PEX6: variants seen among roughly 807,000 people sequenced by gnomAD.
The protein encoded by PEX6 is peroxisomal biogenesis factor 6.
A neutral mutation model predicts 85.6 loss-of-function variants in PEX6; 55 were observed. The observed-to-expected ratio is 0.64, with a 90% CI of 0.52 to 0.80. PEX6 has a LOEUF of 0.80. Ranked by LOEUF, PEX6 falls within the 30% of genes least tolerant of loss-of-function variation. The probability of loss-of-function intolerance (pLI) is 0.00; values close to 1 mark genes in which losing one functional copy is unlikely to be tolerated. For missense variants in PEX6, 1,099 were observed against 1,260.3 expected (o/e 0.87, Z 1.94); for synonymous variants, 519 against 549.1 (o/e 0.95, Z 0.77).
At chr6:42,973,956 C>T (rs369856975) in intron 3 of PEX6, 47 bp downstream of exon 3, 2 of 1,276,622 alleles carry the variant, frequency 1.6e-6, no homozygotes, top group Non-Finnish European at 2.3e-6. Flanking sequence ...AGAACTCATG[C>T]ACCCAGGTTA....
Position 42,969,650 on chromosome 6 carries a change from G to T in PEX6, c.1367+18C>A. On this transcript the variant is annotated intron_variant, in intron 5 of 16. Coordinates refer to ENST00000304611, the MANE Select transcript of PEX6 (RefSeq NM_000287.4). ...TAAGCAGGCTTTTCTCACACCCTGG[G>T]GTGATGACCTCACTCACCCTGGCTG... is the stretch of plus-strand genomic sequence containing the variant. The T allele has an allele frequency of 1.2e-6, 2 of 1,612,072 alleles. No individual in the cohort carries two copies. The highest frequency in any genetic ancestry group is 2.2e-5 in the South Asian group (2 of 90,984).
intron 3 of PEX6, among the ~76,000 whole-genome samples, chr6:42,972,496 T>G (rs73733774): frequency 6.6e-6 from 1 of 152,018 alleles, no homozygotes. Flanking sequence ...CCTGGCTGGG[T>G]GCGGTGGCTC....
intron 12 of PEX6, 43 bp downstream of exon 12, chr6:42,966,001 G>A: frequency 1.9e-6 from 3 of 1,605,180 alleles, no homozygotes; most frequent in Admixed American, 1.7e-5. Context: ...GGCCATCGGG[G>A]TTTGGGAAGC....
intron 6 of PEX6, 124 bp from the exon 7 acceptor site, chr6:42,968,622 GT>G: frequency 1.1e-6 from 1 of 912,634 alleles, no homozygotes; most frequent in African/African-American, 1.6e-5. Context: ...GACAGGGAAG[GT>G]ACCCTGGCCA....
chr6:42,965,964 T>C lies in PEX6; in HGVS notation c.2362+80A>G. On this transcript the variant is annotated intron_variant, in intron 12 of 16. Coordinates refer to ENST00000304611, the MANE Select transcript of PEX6 (RefSeq NM_000287.4). This position sits in a 1 kb window ranked among gnomAD's most constrained non-coding sequence, Gnocchi z 5.0. ...AAGGAGGATTAGGAATGATCATGAG[T>C]AGCCTGGGAGTAGGGGGTGGCTTGG... 1 of 1,493,886 alleles carries C rather than the reference T, an allele frequency of 6.7e-7. No homozygotes were observed. Among genetic ancestry groups the C allele is most frequent in the Non-Finnish European group, 9.3e-7 (1 of 1,072,710 alleles). The allele number at this position is 1,493,886 out of a possible 1,614,324, so 92.5% of individuals were successfully genotyped here.
intron 2 of PEX6, among the ~76,000 whole-genome samples, chr6:42,974,520 C>T (rs1004147601): frequency 3.0e-5 from 4 of 131,148 alleles, no homozygotes; most frequent in East Asian, 2.2e-4. Flanking sequence ...TGCAGTGGTG[C>T]GATCTCGGCT....
chr6:42,974,442 GTTTTTTTTGTTT>G (rs1342711718), intron 2 of PEX6, among the ~76,000 whole-genome samples: 9 of 115,946 alleles, frequency 7.8e-5, no homozygotes, highest in African/African-American at 2.1e-4. Context: ...TGTCTGAAAT[GTTTTTTTTGTTT>G]TTTTTTTTTT....
chr6:42,966,734 C>T, intron 9 of PEX6, 48 bp downstream of exon 9: 1 of 1,613,706 alleles, frequency 6.2e-7, no homozygotes, highest in East Asian at 2.2e-5. Flanking sequence ...ACCCACCCAT[C>T]TACATCCATT....
chr6:42,978,829 G>A lies in PEX6; in HGVS notation c.322C>T (p.Leu108Phe), dbSNP rs1561831132. 1 of 1,532,862 alleles carries A rather than the reference G, an allele frequency of 6.5e-7. No individual in the cohort carries two copies. Among genetic ancestry groups the A allele is most frequent in the African/African-American group, 1.4e-5 (1 of 73,028 alleles). The allele number at this position is 1,532,862 out of a possible 1,614,324, so 95.0% of individuals were successfully genotyped here. ...AGCCCAGGCCCCAGCGAGGTGCCAA[G>A]CAGTGCCCAACCTAGCGCCGGGGGC... ...RRPPALGWAL[L>F]GTSLGPGLGP... Residue 108 changes from leucine to phenylalanine, a missense_variant, in exon 1 of 17, where the codon CTT (leucine) becomes TTT (phenylalanine). Coordinates refer to ENST00000304611, the MANE Select transcript of PEX6 (RefSeq NM_000287.4).
Position 42,968,877 on chromosome 6 carries a change from C to CAGTA in PEX6, c.1472_1475dup (p.Lys493ThrfsTer13), listed in dbSNP as rs747719317. ...TCTACTCTCCAGAGACCCTCACCTT[C>CAGTA]AGTAAGTGGAGCCCAAGGTGACTAC... On this transcript the variant is annotated frameshift_variant, in exon 6 of 17. Transcript: ENST00000304611. LOFTEE classifies it high-confidence loss of function. 6.2e-7 allele frequency: 1 copy of CAGTA among 1,608,984 alleles called. No homozygotes were observed. Among genetic ancestry groups the CAGTA allele is most frequent in the African/African-American group, 1.3e-5 (1 of 74,852 alleles).
chr6:42,968,905 G>A lies in PEX6; in HGVS notation c.1448C>T (p.Ala483Val). 2 of 1,613,982 alleles carry A rather than the reference G, an allele frequency of 1.2e-6. No individual in the cohort carries two copies. The highest frequency in any genetic ancestry group is 1.7e-6 in the Non-Finnish European group (2 of 1,179,880). Residue 483 changes from alanine to valine, a missense_variant, in exon 6 of 17, where the codon GCC (alanine) becomes GTC (valine). Ala to Val is a moderately conservative substitution (Grantham distance 64). This residue lies in a region of PEX6 where 6 missense variants were observed against 21.8 expected (regional missense o/e 0.28). Transcript: ENST00000304611. ...TAAGTGGAGCCCAAGGTGACTACAG[G>A]CAGCAGCAACTACTGTGGTCTTCCC... ...GCGKTTVVAA[A>V]CSHLGLHLLK...
chr6:42,964,862 C>T lies in PEX6; in HGVS notation c.2734G>A (p.Ala912Thr), dbSNP rs374549180. ...LDCCPPQLTG[A>T]DLYSLCSDAM... ...TCAGAGCAGAGAGAGTAGAGGTCCGCGCCCGTCAGCTGGGGAGGGCAGCAA... is the reference window on the plus strand; with the variant it reads ...TCAGAGCAGAGAGAGTAGAGGTCCGTGCCCGTCAGCTGGGGAGGGCAGCAA... The change falls in exon 16 of 17, where the codon GCG becomes ACG. Residue 912 changes from alanine (A) to threonine (T), a missense_variant. Physicochemically the swap from Ala to Thr is moderately conservative, Grantham distance 58 (BLOSUM62 0). Transcript: ENST00000304611. This position sits in a 1 kb window ranked among gnomAD's most constrained non-coding sequence, Gnocchi z 4.6. The T allele has an allele frequency of 8.1e-6, 13 of 1,614,018 alleles. No homozygotes were observed. The highest frequency in any genetic ancestry group is 2.7e-5 in the African/African-American group (2 of 74,914).
chr6:42,975,998 C>A (rs1770282150), intron 1 of PEX6, among the ~76,000 whole-genome samples: 1 of 151,768 alleles, frequency 6.6e-6, no homozygotes, highest in Non-Finnish European at 1.5e-5. Context: ...AAGGGATTCT[C>A]CTGCCTCAGC....
intron 2 of PEX6, among the ~76,000 whole-genome samples, chr6:42,974,526 C>G (rs186012931): frequency 0.019 from 2,650 of 137,944 alleles, 31 homozygotes; most frequent in South Asian, 0.028. Context: ...GGTGCGATCT[C>G]GGCTCACTGC....
chr6:42,966,799 G>T lies in PEX6; in HGVS notation c.1944C>A (p.Thr648=). The change falls in exon 9 of 17, where the codon ACC becomes ACA. Residue 648 remains threonine (T), a synonymous_variant. Transcript: ENST00000304611. The part of the protein sequence containing the change: ...LLTHSSRAAC[T]RIKNSGLAGG... Reference sequence around the variant, plus strand: ...CCTCTTACCCTGAGTTCTTGATCCTGGTGCAGGCTGCCCGGCTGCTGTGGG... The same window carrying T: ...CCTCTTACCCTGAGTTCTTGATCCTTGTGCAGGCTGCCCGGCTGCTGTGGG... 1 of 1,613,806 alleles carries T rather than the reference G, an allele frequency of 6.2e-7. No homozygotes were observed. Among genetic ancestry groups the T allele is most frequent in the Non-Finnish European group, 8.5e-7 (1 of 1,179,980 alleles).
At chr6:42,972,741 G>A (rs970767766) in intron 3 of PEX6, among the ~76,000 whole-genome samples, 11 of 142,870 alleles carry the variant, frequency 7.7e-5, no homozygotes, top group Non-Finnish European at 1.5e-4. Context: ...CTGCACTCCA[G>A]CCTGGGCAAC....
At position 42,966,561 on chromosome 6, in the gene PEX6, CA is replaced by C; in HGVS notation, c.2057del (p.Leu686ArgfsTer28). 2 of 1,614,162 alleles carry C rather than the reference CA, an allele frequency of 1.2e-6. No individual in the cohort carries two copies. The highest frequency in any genetic ancestry group is 1.7e-6 in the Non-Finnish European group (2 of 1,180,034). On this transcript the variant is annotated frameshift_variant, in exon 10 of 17. Transcript: ENST00000304611. LOFTEE classifies it high-confidence loss of function. ...AEDFGQALEQ[L>X]QTAHSQAVGA... is the part of the protein sequence containing the mutation. Reference sequence around the variant, plus strand: ...CAACGGCCTGGGAGTGAGCTGTCTGCAGTTGCTCCAGTGCCTGCCCAAAGTC... The same window carrying C: ...CAACGGCCTGGGAGTGAGCTGTCTGCGTTGCTCCAGTGCCTGCCCAAAGTC...
chr6:42,965,277 C>T lies in PEX6; in HGVS notation c.2563G>A (p.Asp855Asn). ...IGATNRPDLLDPALLRPGRFD... is the reference protein window; with the variant it reads ...IGATNRPDLLNPALLRPGRFD... ...CTGCCAGGCCGCAGAAGGGCAGGGT[C>T]CAGGAGATCTGGTCTGTTGGTGGCT... The change falls in exon 14 of 17, where the codon GAC becomes AAC. Residue 855 changes from aspartate (D) to asparagine (N), a missense_variant. Coordinates refer to ENST00000304611, the MANE Select transcript of PEX6 (RefSeq NM_000287.4). The surrounding 1 kb of genome is among the most constrained non-coding windows in gnomAD (Gnocchi z 5.0). 1.2e-6 allele frequency: 2 copies of T among 1,614,050 alleles called. No individual in the cohort carries two copies. Among genetic ancestry groups the T allele is most frequent in the Non-Finnish European group, 1.7e-6 (2 of 1,179,914 alleles).
At chr6:42,977,206 AAACT>A (rs1209477291) in intron 1 of PEX6, among the ~76,000 whole-genome samples, 1 of 152,088 alleles carries the variant, frequency 6.6e-6, no homozygotes, top group African/African-American at 2.4e-5. Flanking sequence ...GCAATTCAAT[AAACT>A]AATTAGATTG....
Sources: gnomAD v4.1 joint callset for allele counts (sites outside exome capture counted in the v4.1 genomes callset) on GRCh38, gnomAD v4.1.1 for gene constraint, gnomAD v4.1.1 regional missense constraint, Gnocchi (gnomAD v3.1) non-coding constraint, MANE v1.5 for transcripts, NCBI Gene and HGNC (gene_info 2026-07-23, HGNC 2026-07-21) for gene names.